Variants in MICAL3 observed in about 807,000 individuals in gnomAD.
MICAL3 encodes microtubule associated monooxygenase, calponin and LIM domain containing 3.
A neutral mutation model predicts 207.4 loss-of-function variants in MICAL3; 62 were observed. That is an observed-to-expected ratio of 0.30 (90% CI 0.24 to 0.37). MICAL3 has a LOEUF of 0.37. MICAL3 is among the 10% of genes least tolerant of loss of function. The pLI, the probability that MICAL3 is intolerant of heterozygous loss-of-function variation, is 1.00. For missense variants in MICAL3, 2,368 were observed against 2,635.6 expected (o/e 0.90, Z 2.22); for synonymous variants, 1,077 against 1,069.3 (o/e 1.01, Z -0.14).
chr22:17,982,322 G>A (rs1224568374), intron 1 of MICAL3, among the ~76,000 whole-genome samples: 2 of 152,196 alleles, frequency 1.3e-5, no homozygotes, highest in Non-Finnish European at 2.9e-5. Flanking sequence ...CGTGCAACAC[G>A]TTATCTTTTC....
At chr22:17,828,466 C>T (rs552389394) in intron 21 of MICAL3, among the ~76,000 whole-genome samples, 14 of 152,306 alleles carry the variant, frequency 9.2e-5, no homozygotes, top group African/African-American at 2.2e-4. Flanking sequence ...GGCAAGGACA[C>T]GGATCCCAGT....
chr22:17,916,087 AAGC>A (rs1444228785), intron 1 of MICAL3, among the ~76,000 whole-genome samples: 3 of 150,402 alleles, frequency 2.0e-5, no homozygotes, highest in African/African-American at 4.9e-5. Context: ...AAAACCCAAA[AAGC>A]AACAAAAAAC....
At chr22:17,861,980 G>T in intron 19 of MICAL3, 3 of 985,380 alleles carry the variant, frequency 3.0e-6, no homozygotes, top group Non-Finnish European at 3.6e-6. Context: ...AAAAGAAAAA[G>T]AACATAAAGG....
At chr22:17,840,655 T>C (rs1923918582) in intron 20 of MICAL3, 1 of 152,232 alleles carries the variant, frequency 6.6e-6, no homozygotes, top group African/African-American at 2.4e-5. Flanking sequence ...GTAGCTCTGC[T>C]CAAGGGTTTA....
intron 1 of MICAL3, among the ~76,000 whole-genome samples, chr22:17,996,392 C>G (rs1041510002): frequency 1.9e-4 from 29 of 150,798 alleles, no homozygotes; most frequent in African/African-American, 7.1e-4. Flanking sequence ...TGCAGTGAGC[C>G]GAGGTCGTGC....
Position 17,904,808 on chromosome 22 carries a change from A to C in MICAL3, c.296T>G (p.Leu99Arg), listed in dbSNP as rs746999379. 1 of 1,614,038 alleles carries C rather than the reference A, an allele frequency of 6.2e-7. No individual in the cohort carries two copies. The highest frequency in any genetic ancestry group is 8.5e-7 in the Non-Finnish European group (1 of 1,179,870). ...CLIIGAGPCG[L>R]RTAIDLSLLG... ...TAAGGATAAGTCGATGGCTGTACGG[A>C]GACCACAGGGGCCAGCCCCAATGAT... The change falls in exon 3 of 32, where the codon CTC becomes CGC. Residue 99 changes from leucine (L) to arginine (R), a missense_variant. By Grantham distance (102) the Leu-to-Arg change is moderately radical. This residue lies in a region of MICAL3 where 400 missense variants were observed against 547.0 expected (regional missense o/e 0.73). Transcript: ENST00000441493.
intron 29 of MICAL3, among the ~76,000 whole-genome samples, chr22:17,806,936 C>T (rs2061995058): frequency 1.3e-5 from 2 of 152,174 alleles, no homozygotes; most frequent in African/African-American, 2.4e-5. Flanking sequence ...GTGACAGGGG[C>T]GTCGAAGCAC....
intron 1 of MICAL3, among the ~76,000 whole-genome samples, chr22:17,957,745 A>T (rs1475763196): frequency 6.9e-6 from 1 of 145,360 alleles, no homozygotes; most frequent in Non-Finnish European, 1.5e-5. Context: ...AAAGAAAACG[A>T]GAGAGAGAGA....
intron 1 of MICAL3, among the ~76,000 whole-genome samples, chr22:17,961,216 C>T (rs1035063878): frequency 1.3e-5 from 2 of 152,062 alleles, no homozygotes; most frequent in Non-Finnish European, 2.9e-5. Context: ...GCTCACAGGA[C>T]CTGCTAATGG....
intron 22 of MICAL3, chr22:17,826,445 C>T (rs1922200383): frequency 1.0e-6 from 1 of 985,666 alleles, no homozygotes; most frequent in Non-Finnish European, 1.2e-6. Flanking sequence ...GTGAACATCA[C>T]CAGACTACCT....
chr22:17,984,398 TGGAGACTC>T (rs1162842720), intron 1 of MICAL3, among the ~76,000 whole-genome samples: 4 of 152,220 alleles, frequency 2.6e-5, no homozygotes, highest in Non-Finnish European at 5.9e-5. Context: ...AAGGCCTCCC[TGGAGACTC>T]GGAGAGATAA....
At chr22:17,797,795 G>A (rs1160106179) in intron 29 of MICAL3, among the ~76,000 whole-genome samples, 3 of 152,354 alleles carry the variant, frequency 2.0e-5, no homozygotes, top group Middle Eastern at 3.4e-3. Flanking sequence ...GGCCACCAAC[G>A]CTAACCACGT....
intron 18 of MICAL3, among the ~76,000 whole-genome samples, chr22:17,865,204 G>A (rs1320353738): frequency 2.6e-5 from 4 of 151,966 alleles, no homozygotes. Context: ...CCGACCTCCT[G>A]GGCTCAAGCA....
intron 1 of MICAL3, among the ~76,000 whole-genome samples, chr22:18,003,802 G>C (rs1001779670): frequency 6.6e-6 from 1 of 151,134 alleles, no homozygotes; most frequent in Non-Finnish European, 1.5e-5. Context: ...ATGGAGTCTC[G>C]CTGTGTTGCA....
At chr22:18,000,668 A>C (rs1922860257) in intron 1 of MICAL3, among the ~76,000 whole-genome samples, 1 of 152,202 alleles carries the variant, frequency 6.6e-6, no homozygotes, top group Non-Finnish European at 1.5e-5. Flanking sequence ...AGACCTCCAA[A>C]AGCGCGGTCC....
In MICAL3 at chr22:17,818,323, G is replaced by T. The variant is rs766023402; in HGVS notation, c.4338C>A (p.Asn1446Lys). ...GCGTGAGCATGGCGGAGTCCGAGGT[G>T]TTGAAGCTCTGGCTGCCCAGTGTCT... ...NMKTLGSQSFNTSDSAMLTPP... is the reference protein window; with the variant it reads ...NMKTLGSQSFKTSDSAMLTPP... The change falls in exon 26 of 32, where the codon AAC (asparagine) becomes AAA (lysine). Residue 1446 changes from asparagine (N) to lysine (K), a missense_variant. Asn to Lys is a moderately conservative substitution (Grantham distance 94). Transcript: ENST00000441493. 1 of 1,581,130 alleles carries T rather than the reference G, an allele frequency of 6.3e-7. No homozygotes were observed.
intron 29 of MICAL3, among the ~76,000 whole-genome samples, chr22:17,791,873 T>C (rs1404857182): frequency 6.6e-6 from 1 of 152,246 alleles, no homozygotes. Context: ...AGCTTCCGGA[T>C]GCTCTCCCGC....
At chr22:17,957,285 A>G (rs1934661283) in intron 1 of MICAL3, among the ~76,000 whole-genome samples, 4 of 152,242 alleles carry the variant, frequency 2.6e-5, no homozygotes, top group Admixed American at 1.3e-4. Flanking sequence ...ATGGCCATGC[A>G]GCTGGCTACA....
At chr22:17,874,124 T>C (rs937199375) in intron 16 of MICAL3, among the ~76,000 whole-genome samples, 1 of 152,260 alleles carries the variant, frequency 6.6e-6, no homozygotes, top group African/African-American at 2.4e-5. Context: ...GCCGTTCTTG[T>C]GGCTCAGCTC....
Sources: allele counts gnomAD v4.1 joint callset (sites outside exome capture counted in the v4.1 genomes callset), GRCh38; gene constraint gnomAD v4.1.1; regional missense constraint gnomAD v4.1.1; transcripts MANE v1.5; gene names NCBI Gene and HGNC (gene_info 2026-07-23, HGNC 2026-07-21).